The following NLRP13 variants were observed in gnomAD, a reference collection of about 807,000 sequenced individuals.
NLRP13 encodes the protein NACHT, LRR and PYD domains-containing protein 13.
NLRP13 carries 82 observed loss-of-function variants against 94.4 expected under a neutral mutation model. The observed-to-expected ratio is 0.87, with a 90% confidence interval of 0.73 to 1.04. The LOEUF (loss-of-function observed/expected upper bound fraction) is 1.04, where lower values mean the gene tolerates loss of function less well. Ranked by LOEUF, NLRP13 falls within the 50% of genes least tolerant of loss-of-function variation. NLRP13 has a pLI of 0.00. For synonymous variants in NLRP13, 553 were observed against 464.7 expected (o/e 1.19, Z -2.45); for missense variants, 1,426 against 1,230.8 (o/e 1.16, Z -2.37).
chr19:55,902,503 G>A (rs913495028), intron 8 of NLRP13, among the ~76,000 whole-genome samples: 12 of 152,208 alleles, frequency 7.9e-5, no homozygotes, highest in African/African-American at 2.9e-4. Context: ...GGAGCCAGTT[G>A]GGCGTGGGTC....
In NLRP13 at chr19:55,902,066, C is replaced by T. The variant is rs1432544439; in HGVS notation, c.2758G>A (p.Gly920Ser). The T allele has an allele frequency of 3.1e-6, 5 of 1,614,132 alleles. No individual in the cohort carries two copies. The Admixed American group carries it at 8.3e-5, about 27-fold the overall frequency. Residue 920 changes from glycine (G) to serine (S), a missense_variant, in exon 9 of 11, where the codon GGT (glycine) becomes AGT (serine). Transcript: ENST00000342929. ...CTCTGCAGGTTACCATCTGGGCGACCCAAGGCCTCACACAGGAACTTGACT... is the reference window on the plus strand; with the variant it reads ...CTCTGCAGGTTACCATCTGGGCGACTCAAGGCCTCACACAGGAACTTGACT... The part of the protein sequence containing the change: ...EGVKFLCEAL[G>S]RPDGNLQSLN...
intron 2 of NLRP13, 80 bp from the exon 3 acceptor site, chr19:55,924,738 A>G: frequency 1.6e-6 from 2 of 1,270,364 alleles, no homozygotes; most frequent in Admixed American, 1.7e-5. Flanking sequence ...CCCCAGTAGA[A>G]CCAACTTTTT....
chr19:55,931,255 G>A (rs75080466), intron 1 of NLRP13, among the ~76,000 whole-genome samples: 28,050 of 151,942 alleles, frequency 0.18, 2,826 homozygotes, highest in African/African-American at 0.26. Flanking sequence ...GGCTCTGCTC[G>A]GCTGAGTGCA....
chr19:55,901,337 C>A (rs975609680), intron 9 of NLRP13, among the ~76,000 whole-genome samples: 1 of 152,194 alleles, frequency 6.6e-6, no homozygotes, highest in African/African-American at 2.4e-5. Context: ...TCGGACCACA[C>A]AATCTCAACT....
chr19:55,919,318 G>A (rs1986751753), intron 4 of NLRP13, among the ~76,000 whole-genome samples: 1 of 152,046 alleles, frequency 6.6e-6, no homozygotes, highest in East Asian at 1.9e-4. Context: ...AACAAGACAA[G>A]GATGCCCACT....
chr19:55,908,006 TCCAGGATC>T (rs1986402557), intron 6 of NLRP13, 50 bp from the exon 7 acceptor site: 2 of 1,538,666 alleles, frequency 1.3e-6, no homozygotes, highest in Non-Finnish European at 1.8e-6. Flanking sequence ...AAGACTGGTT[TCCAGGATC>T]CCGTCTGCCT....
At chr19:55,924,114 CA>C in intron 3 of NLRP13, 135 bp from the exon 4 acceptor site, 2 of 683,752 alleles carry the variant, frequency 2.9e-6, no homozygotes, top group South Asian at 3.6e-5. Flanking sequence ...TCAGCATGCC[CA>C]GTTTATATTT....
At chr19:55,923,469 C>T (rs1320522808) in intron 4 of NLRP13, among the ~76,000 whole-genome samples, 2 of 152,188 alleles carry the variant, frequency 1.3e-5, no homozygotes, top group African/African-American at 4.8e-5. Flanking sequence ...CTCCAGAAAC[C>T]TGGCCTTTCA....
rs1484097174 is a variant in NLRP13 at position 55,898,911 on chromosome 19, T to C, written c.2816A>G (p.Glu939Gly). Residue 939 changes from glutamate to glycine, a missense_variant, in exon 10 of 11, where the codon GAG becomes GGG. By Grantham distance (98) the Glu-to-Gly change is moderately conservative. Transcript: ENST00000342929. ...GGCATTAGCCAGCTCTCCACAGCCC[T>C]CTCTTGTGAAAGAACAACCTGACAA... ...LNLSGCSFTR[E>G]GCGELANALS... The C allele has an allele frequency of 2.5e-6, 4 of 1,604,288 alleles. No homozygotes were observed. The African/African-American group carries it at 4.0e-5, about 16-fold the overall frequency.
At chr19:55,898,015 C>T (rs750566594) in intron 10 of NLRP13, among the ~76,000 whole-genome samples, 5 of 152,098 alleles carry the variant, frequency 3.3e-5, no homozygotes, top group Middle Eastern at 6.3e-3. Context: ...TGGTTAACAA[C>T]GGTGAAGTGA....
At chr19:55,900,374 T>C (rs1464824171) in intron 9 of NLRP13, among the ~76,000 whole-genome samples, 1 of 152,184 alleles carries the variant, frequency 6.6e-6, no homozygotes, top group Non-Finnish European at 1.5e-5. Context: ...AACTACTTTG[T>C]GTTTACAAAG....
intron 4 of NLRP13, among the ~76,000 whole-genome samples, chr19:55,914,078 T>C (rs1986617478): frequency 6.6e-6 from 1 of 152,214 alleles, no homozygotes; most frequent in African/African-American, 2.4e-5. Flanking sequence ...CAGCTTCAGC[T>C]GGTGAGGGCT....
chr19:55,892,380 C>T (rs971680196), downstream of NLRP13, among the ~76,000 whole-genome samples: 4 of 51,292 alleles, frequency 7.8e-5, no homozygotes, highest in Non-Finnish European at 1.2e-4. Context: ...TATGTATATA[C>T]ACACACATAC....
In NLRP13 at chr19:55,924,966, C is replaced by T. The variant is rs754357503; in HGVS notation, c.388+1G>A. ...TTATCAACTTAAAGTAGTGTACACA[C>T]CTGCTGCTGCTTCTAGCATCTCTAG... On this transcript the variant is annotated splice_donor_variant, in intron 2 of 10. Coordinates refer to ENST00000342929, the MANE Select transcript of NLRP13 (RefSeq NM_176810.2). LOFTEE classifies it high-confidence loss of function. 7.6e-5 allele frequency: 123 copies of T among 1,613,670 alleles called. No individual in the cohort carries two copies. Among genetic ancestry groups the T allele is most frequent in the South Asian group, 2.2e-4 (20 of 91,082 alleles).
At chr19:55,920,680 A>T (rs949203612) in intron 4 of NLRP13, among the ~76,000 whole-genome samples, 4 of 152,186 alleles carry the variant, frequency 2.6e-5, no homozygotes, top group Non-Finnish European at 5.9e-5. Flanking sequence ...TACAATATCT[A>T]TGAAAATATT....
intron 6 of NLRP13, among the ~76,000 whole-genome samples, chr19:55,910,289 C>T (rs980718235): frequency 3.3e-5 from 5 of 152,202 alleles, no homozygotes; most frequent in Admixed American, 2.6e-4. Context: ...TTTTCTACTC[C>T]TTCAAATCCA....
rs1031155760 is a variant in NLRP13 at position 55,910,461 on chromosome 19, G to T, written c.2282+102C>A. 5 of 1,136,980 alleles carry T rather than the reference G, an allele frequency of 4.4e-6. No homozygotes were observed. The Admixed American group carries it at 9.5e-5, about 22-fold the overall frequency. The allele number at this position is 1,136,980 out of a possible 1,614,324, so 70.4% of individuals were successfully genotyped here. On this transcript the variant is annotated intron_variant, in intron 6 of 10. Transcript: ENST00000342929. Reference sequence around the variant, plus strand: ...CAGTTTATTTTATCCTCCTGAGCACGTAGCTTGCCTTCTGGCAAATAGTCA... The same window carrying T: ...CAGTTTATTTTATCCTCCTGAGCACTTAGCTTGCCTTCTGGCAAATAGTCA...
intron 9 of NLRP13, 120 bp downstream of exon 9, chr19:55,901,915 C>T (rs545066510): frequency 9.6e-7 from 1 of 1,044,246 alleles, no homozygotes; most frequent in South Asian, 1.7e-5. Flanking sequence ...CCAGAAGCTC[C>T]TCCATGGCAA....
In NLRP13 at chr19:55,932,129, T is replaced by C. The variant is rs151137746; in HGVS notation, c.183A>G (p.Arg61=). The C allele has an allele frequency of 1.2e-5, 19 of 1,614,012 alleles. No homozygotes were observed. The African/African-American group carries it at 2.3e-4, about 19-fold the overall frequency. Residue 61 remains arginine, a synonymous_variant, in exon 1 of 11, where the codon AGA becomes AGG. Coordinates refer to ENST00000342929, the MANE Select transcript of NLRP13 (RefSeq NM_176810.2). The stretch of plus-strand genomic sequence containing the variant: ...AGGACAGATTCAAAGGGTCGGCAGC[T>C]CTCAAGTTTGCCCAGGGGATACGCG... ...HFPRIPWANL[R]AADPLNLSFL...
Sources: gnomAD v4.1 joint callset for allele counts (sites outside exome capture counted in the v4.1 genomes callset) on GRCh38, gnomAD v4.1.1 for gene constraint, MANE v1.5 for transcripts, NCBI Gene and HGNC (gene_info 2026-07-23, HGNC 2026-07-21) for gene names.